The following PTPRD variants were observed in gnomAD, a reference collection of about 807,000 sequenced individuals.
PTPRD encodes receptor-type tyrosine-protein phosphatase delta.
A neutral mutation model predicts 214.5 loss-of-function variants in PTPRD; 34 were observed. The observed-to-expected ratio is 0.16, with a 90% CI of 0.12 to 0.21. The LOEUF is 0.21. PTPRD is among the 10% of genes least tolerant of loss of function. The pLI is 1.00. For synonymous variants in PTPRD, 1,128 were observed against 845.7 expected (o/e 1.33, Z -5.79); for missense variants, 2,545 against 2,398.7 (o/e 1.06, Z -1.27).
chr9:8,591,203 A>T (rs1045264153), intron 14 of PTPRD, among the ~76,000 whole-genome samples: 1 of 152,208 alleles, frequency 6.6e-6, no homozygotes, highest in Non-Finnish European at 1.5e-5. Context: ...AGTAACATCA[A>T]CTGCATCTGC....
At chr9:9,534,198 G>T (rs2076062825) in intron 8 of PTPRD, among the ~76,000 whole-genome samples, 1 of 152,008 alleles carries the variant, frequency 6.6e-6, no homozygotes, top group African/African-American at 2.4e-5. Context: ...GCTATAACTT[G>T]TTAATGTTTC....
At chr9:9,912,831 C>T (rs1338198485) in intron 5 of PTPRD, among the ~76,000 whole-genome samples, 1 of 152,118 alleles carries the variant, frequency 6.6e-6, no homozygotes, top group African/African-American at 2.4e-5. Context: ...GAGAATATTG[C>T]AAGAGTTTTT....
chr9:8,990,517 C>G lies in PTPRD; in HGVS notation c.-104+28180G>C, dbSNP rs1022763173. ...CCTCAGAAGCTCTTTCTCTCTGACCCTCCCCTGCCCTCCTGTCCCTGGCCC... is the reference window on the plus strand; with the variant it reads ...CCTCAGAAGCTCTTTCTCTCTGACCGTCCCCTGCCCTCCTGTCCCTGGCCC... On this transcript the variant is annotated intron_variant, in intron 11 of 45. Coordinates refer to ENST00000381196, the MANE Select transcript of PTPRD (RefSeq NM_002839.4). 2.6e-5 allele frequency among the ~76,000 whole-genome samples: 4 copies of G among 152,150 alleles called. No individual in the cohort carries two copies. In the East Asian group the frequency reaches 7.7e-4, roughly 29 times the overall value.
intron 5 of PTPRD, among the ~76,000 whole-genome samples, chr9:9,779,732 G>A (rs552064016): frequency 6.6e-6 from 1 of 152,208 alleles, no homozygotes; most frequent in African/African-American, 2.4e-5. Context: ...GGAGAAAAGG[G>A]AGCACCAACT....
intron 5 of PTPRD, among the ~76,000 whole-genome samples, chr9:9,920,943 A>C (rs1372988701): frequency 2.0e-5 from 3 of 152,168 alleles, no homozygotes; most frequent in Non-Finnish European, 2.9e-5. Context: ...TTTAACTGAT[A>C]CTAAAATCTG....
At chr9:9,380,331 T>C (rs1438619705) in intron 9 of PTPRD, among the ~76,000 whole-genome samples, 1 of 152,118 alleles carries the variant, frequency 6.6e-6, no homozygotes, top group Non-Finnish European at 1.5e-5. Context: ...TTGACCTGTG[T>C]GTTATTTAGA....
At chr9:10,544,524 AT>A (rs1210279855) in intron 2 of PTPRD, among the ~76,000 whole-genome samples, 1 of 152,240 alleles carries the variant, frequency 6.6e-6, no homozygotes, top group Non-Finnish European at 1.5e-5. Context: ...GGATAAAGCA[AT>A]TTTTCTTCAG....
intron 9 of PTPRD, among the ~76,000 whole-genome samples, chr9:9,252,467 T>A (rs1277823106): frequency 6.6e-6 from 1 of 152,032 alleles, no homozygotes; most frequent in Non-Finnish European, 1.5e-5. Flanking sequence ...AAGATGGTAT[T>A]TAAACCCAAA....
intron 11 of PTPRD, among the ~76,000 whole-genome samples, chr9:8,762,246 T>C (rs948278780): frequency 6.6e-6 from 1 of 152,152 alleles, no homozygotes; most frequent in Admixed American, 6.6e-5. Flanking sequence ...GCAAGAGAGA[T>C]CAAGTTTGAA....
At chr9:10,000,633 C>G (rs2096283817) in intron 4 of PTPRD, among the ~76,000 whole-genome samples, 1 of 152,102 alleles carries the variant, frequency 6.6e-6, no homozygotes, top group African/African-American at 2.4e-5. Context: ...GGTAAAAGTT[C>G]TTGATAAGAC....
chr9:10,333,204 C>A (rs1395476832), intron 3 of PTPRD, among the ~76,000 whole-genome samples: 1 of 151,698 alleles, frequency 6.6e-6, no homozygotes, highest in African/African-American at 2.4e-5. Flanking sequence ...CCGATTAGTG[C>A]AGTTTGCCTA....
chr9:8,747,077 C>T (rs2092907766), intron 11 of PTPRD, among the ~76,000 whole-genome samples: 1 of 152,164 alleles, frequency 6.6e-6, no homozygotes, highest in South Asian at 2.1e-4. Flanking sequence ...TTAAGAATTT[C>T]TCTATCTTTT....
chr9:8,542,036 T>G (rs1006314474), intron 14 of PTPRD, among the ~76,000 whole-genome samples: 2 of 152,036 alleles, frequency 1.3e-5, no homozygotes, highest in African/African-American at 4.8e-5. Context: ...TTGTCAAGCA[T>G]CCACATAAAT....
At position 10,043,854 on chromosome 9, in the gene PTPRD, T is replaced by C. The variant is rs191609566; in HGVS notation, c.-544-10064A>G. ...TTAGTAAGATAAATATCCAAATTAGTGAGTATACAAAATGACTTGCAGTTC... is the reference window on the plus strand; with the variant it reads ...TTAGTAAGATAAATATCCAAATTAGCGAGTATACAAAATGACTTGCAGTTC... On this transcript the variant is annotated intron_variant, in intron 3 of 45. Transcript: ENST00000381196. Among the ~76,000 whole-genome samples, 10 of 151,976 alleles carry C rather than the reference T, an allele frequency of 6.6e-5. No homozygotes were observed. The East Asian group carries it at 1.9e-3, about 29-fold the overall frequency.
chr9:8,883,259 A>G (rs2098461353), intron 11 of PTPRD, among the ~76,000 whole-genome samples: 1 of 152,194 alleles, frequency 6.6e-6, no homozygotes, highest in African/African-American at 2.4e-5. Flanking sequence ...GCTAACAACT[A>G]TGATAGCAAC....
intron 7 of PTPRD, among the ~76,000 whole-genome samples, chr9:9,727,443 C>T (rs1223091407): frequency 1.3e-5 from 2 of 151,930 alleles, no homozygotes; most frequent in Non-Finnish European, 2.9e-5. Context: ...AGAGTGAGAC[C>T]CTGTCTGAAA....
chr9:9,850,095 C>G (rs2153662682), intron 5 of PTPRD, among the ~76,000 whole-genome samples: 1 of 152,228 alleles, frequency 6.6e-6, no homozygotes, highest in South Asian at 2.1e-4. Context: ...CCGTCACACC[C>G]CAGATCCACC....
chr9:9,258,411 C>A (rs978328498), intron 9 of PTPRD, among the ~76,000 whole-genome samples: 1 of 150,604 alleles, frequency 6.6e-6, no homozygotes, highest in Non-Finnish European at 1.5e-5. Context: ...TCATTTAATT[C>A]ATTGCACGCT....
chr9:9,123,252 A>G (rs1196123801), intron 10 of PTPRD, among the ~76,000 whole-genome samples: 1 of 152,190 alleles, frequency 6.6e-6, no homozygotes, highest in Non-Finnish European at 1.5e-5. Flanking sequence ...CAGGTACAAA[A>G]ATGCAATTCT....
Sources: allele counts gnomAD v4.1 joint callset (sites outside exome capture counted in the v4.1 genomes callset), GRCh38; gene constraint gnomAD v4.1.1; transcripts MANE v1.5; gene names NCBI Gene and HGNC (gene_info 2026-07-23, HGNC 2026-07-21).